The following DENND1B variants were observed in gnomAD, a reference collection of about 807,000 sequenced individuals.
DENND1B encodes the protein DENN domain-containing protein 1B.
In DENND1B, 59 loss-of-function variants were observed where a neutral mutation model predicts 90.1. The observed-to-expected ratio is 0.65, with a 90% CI of 0.53 to 0.81. DENND1B has a LOEUF of 0.81. Ranked by LOEUF, DENND1B falls within the 40% of genes least tolerant of loss-of-function variation. The pLI is 0.00. For missense variants in DENND1B, 862 were observed against 912.6 expected (o/e 0.94, Z 0.71); for synonymous variants, 337 against 324.6 (o/e 1.04, Z -0.41).
intron 20 of DENND1B, among the ~76,000 whole-genome samples, chr1:197,538,874 G>A (rs113519349): frequency 3.9e-5 from 6 of 151,932 alleles, no homozygotes; most frequent in Non-Finnish European, 8.8e-5. Context: ...GATTAGTGCT[G>A]TTATAAAAGG....
At chr1:197,609,389 T>A (rs1448709765) in intron 12 of DENND1B, among the ~76,000 whole-genome samples, 2 of 150,634 alleles carry the variant, frequency 1.3e-5, no homozygotes, top group African/African-American at 2.4e-5. Context: ...TTATTTAGAA[T>A]CCATTGTATA....
At chr1:197,542,184 G>GTTAGCCAAATA (rs1670382037) in intron 18 of DENND1B, among the ~76,000 whole-genome samples, 1 of 152,146 alleles carries the variant, frequency 6.6e-6, no homozygotes, top group Non-Finnish European at 1.5e-5. Context: ...AGATGACTCT[G>GTTAGCCAAATA]AAAACCGTTT....
chr1:197,611,822 C>A, intron 12 of DENND1B, 109 bp downstream of exon 12: 2 of 824,586 alleles, frequency 2.4e-6, no homozygotes, highest in Non-Finnish European at 1.9e-6. Context: ...AAATATGAAA[C>A]TAGTCACTTC....
chr1:197,633,637 T>C (rs1679528611), intron 10 of DENND1B, among the ~76,000 whole-genome samples: 1 of 152,146 alleles, frequency 6.6e-6, no homozygotes, highest in Admixed American at 6.5e-5. Flanking sequence ...CTGCAGTGCC[T>C]GGCTCCTGCA....
rs916193204 is a variant in DENND1B, at chr1:197,691,223, T to C, written c.127-17054A>G. ...AACCATACATATGATAAAGGGTTAC[T>C]ATCCAAAGCATATAAGGAACTCCTA... is the stretch of plus-strand genomic sequence containing the variant. On this transcript the variant is annotated intron_variant, in intron 3 of 22. Transcript: ENST00000620048. 1.1e-4 allele frequency among the ~76,000 whole-genome samples: 17 copies of C among 148,946 alleles called. 1 individual carries two copies. Among genetic ancestry groups the C allele is most frequent in the Non-Finnish European group, 3.0e-5 (2 of 67,406 alleles).
chr1:197,517,927 G>GTTTC (rs1179922730), intron 20 of DENND1B, among the ~76,000 whole-genome samples: 1 of 151,328 alleles, frequency 6.6e-6, no homozygotes, highest in Non-Finnish European at 1.5e-5. Context: ...CCCATGTTTT[G>GTTTC]TTTGTTTGTT....
chr1:197,560,678 T>G (rs1443257743), intron 15 of DENND1B, among the ~76,000 whole-genome samples: 7 of 151,542 alleles, frequency 4.6e-5, no homozygotes, highest in Admixed American at 4.6e-4. Context: ...CAGGAGAAAA[T>G]CCCATCAGCC....
intron 16 of DENND1B, among the ~76,000 whole-genome samples, chr1:197,550,336 T>C (rs1671123388): frequency 1.3e-5 from 2 of 151,998 alleles, no homozygotes; most frequent in East Asian, 1.9e-4. Context: ...TAGACACATG[T>C]GGAATTGAGA....
chr1:197,591,434 C>T (rs2125796571), intron 14 of DENND1B, among the ~76,000 whole-genome samples: 1 of 152,268 alleles, frequency 6.6e-6, no homozygotes, highest in South Asian at 2.1e-4. Flanking sequence ...TTGCCATTGA[C>T]TTTTACTTTA....
chr1:197,650,262 G>A (rs948032911), intron 7 of DENND1B, among the ~76,000 whole-genome samples: 2 of 152,130 alleles, frequency 1.3e-5, no homozygotes, highest in East Asian at 3.9e-4. Flanking sequence ...ATTATTCAAT[G>A]TTTAAAACTT....
In DENND1B at chr1:197,775,389, C is replaced by T. The variant is rs533784567; in HGVS notation, c.-234G>A. 1.2e-5 allele frequency: 4 copies of T among 335,178 alleles called. No homozygotes were observed. The East Asian group carries it at 1.4e-4, about 11-fold the overall frequency. 20.8% of individuals were successfully genotyped at this position (335,178 alleles called of 1,614,324 possible). On this transcript the variant is annotated 5_prime_UTR_variant, in exon 1 of 23. Transcript: ENST00000620048. ...GTGACAGCAGCGGTGGCGTGGCCGC[C>T]GCCCCCGTCTCCGCCGGTAGCCGCC...
chr1:197,684,406 G>C (rs989694590), intron 3 of DENND1B, among the ~76,000 whole-genome samples: 4 of 152,072 alleles, frequency 2.6e-5, no homozygotes, highest in Admixed American at 2.0e-4. Flanking sequence ...TGTTTTCATC[G>C]AGATTGCAAT....
chr1:197,717,568 T>C (rs907902760), intron 2 of DENND1B, among the ~76,000 whole-genome samples: 3 of 152,008 alleles, frequency 2.0e-5, no homozygotes, highest in East Asian at 3.8e-4. Flanking sequence ...TAAGAGATAA[T>C]GTTACAGCAT....
chr1:197,707,886 C>T (rs1229794304), intron 3 of DENND1B, among the ~76,000 whole-genome samples: 1 of 149,770 alleles, frequency 6.7e-6, no homozygotes, highest in Non-Finnish European at 1.5e-5. Flanking sequence ...GTGCGCGAGC[C>T]GAAGCAGGGC....
chr1:197,505,841 T>G lies in DENND1B; in HGVS notation c.*4619A>C, dbSNP rs1440662665. ...ACAAATGCCATTTTGATTTAGGTGGTGCAGAACTGAGTATCTGTTAAATGT... is the reference window on the plus strand; with the variant it reads ...ACAAATGCCATTTTGATTTAGGTGGGGCAGAACTGAGTATCTGTTAAATGT... On this transcript the variant is annotated 3_prime_UTR_variant, in exon 23 of 23. Transcript: ENST00000620048. The G allele has an allele frequency of 6.6e-6, 1 of 151,662 alleles. No individual in the cohort carries two copies. The highest frequency in any genetic ancestry group is 2.4e-5 in the African/African-American group (1 of 41,402). The allele number at this position is 151,662 out of a possible 1,614,324, so 9.4% of individuals were successfully genotyped here.
intron 3 of DENND1B, chr1:197,690,394 G>A (rs1037164904): frequency 1.2e-5 from 2 of 173,828 alleles, no homozygotes; most frequent in African/African-American, 4.8e-5. Flanking sequence ...AAGCAAGATT[G>A]ATTGCCACTC....
chr1:197,714,715 C>T (rs1232121147), intron 3 of DENND1B, among the ~76,000 whole-genome samples: 1 of 152,012 alleles, frequency 6.6e-6, no homozygotes, highest in Admixed American at 6.6e-5. Context: ...ATATTGTCAA[C>T]TTTTTATTGT....
intron 13 of DENND1B, among the ~76,000 whole-genome samples, chr1:197,600,588 C>A (rs1374121121): frequency 1.3e-5 from 2 of 151,728 alleles, no homozygotes; most frequent in Non-Finnish European, 2.9e-5. Context: ...AATTGTTATA[C>A]AATAGAGAAA....
chr1:197,550,699 T>C lies in DENND1B; in HGVS notation c.1240+2323A>G, dbSNP rs1020562616. On this transcript the variant is annotated intron_variant, in intron 16 of 22. Coordinates refer to ENST00000620048, the MANE Select transcript of DENND1B (RefSeq NM_001195215.2). ...GGGGGGGAGGGATAGCATTTGGAGATATACCTAATGTTAAGTGACGAGTTA... is the reference window on the plus strand; with the variant it reads ...GGGGGGGAGGGATAGCATTTGGAGACATACCTAATGTTAAGTGACGAGTTA... Among the ~76,000 whole-genome samples, 6 of 151,082 alleles carry C rather than the reference T, an allele frequency of 4.0e-5. 1 individual carries two copies. The South Asian group carries it at 1.0e-3, about 26-fold the overall frequency.
Sources: gnomAD v4.1 joint callset for allele counts (sites outside exome capture counted in the v4.1 genomes callset) on GRCh38, gnomAD v4.1.1 for gene constraint, MANE v1.5 for transcripts, NCBI Gene and HGNC (gene_info 2026-07-23, HGNC 2026-07-21) for gene names.